Variants in PTPRT observed in about 807,000 individuals in gnomAD.
PTPRT encodes the protein receptor-type tyrosine-protein phosphatase T.
PTPRT carries 56 observed loss-of-function variants against 176.8 expected under a neutral mutation model. The observed-to-expected ratio is 0.32, with a 90% CI of 0.26 to 0.40. The LOEUF is 0.40. Among genes scored for constraint, PTPRT ranks in the 10% least tolerant of loss-of-function variants. The pLI is 1.00. For missense variants in PTPRT, 1,540 were observed against 1,908.2 expected, an observed-to-expected ratio of 0.81 and a Z score of 3.60; for synonymous variants, 783 against 739.0, an observed-to-expected ratio of 1.06 and a Z score of -0.96.
intron 7 of PTPRT, among the ~76,000 whole-genome samples, chr20:42,571,569 C>G (rs1401459766): frequency 1.3e-5 from 2 of 152,168 alleles, no homozygotes; most frequent in East Asian, 3.8e-4. Flanking sequence ...GAAAACTAAT[C>G]CAAGTGCCCT....
At chr20:42,321,105 T>G (rs2057793395) in intron 11 of PTPRT, among the ~76,000 whole-genome samples, 1 of 152,124 alleles carries the variant, frequency 6.6e-6, no homozygotes, top group South Asian at 2.1e-4. Flanking sequence ...TTTTCAAACT[T>G]TGTTTCCAGC....
At chr20:42,229,288 C>G (rs1426133317) in intron 15 of PTPRT, among the ~76,000 whole-genome samples, 2 of 152,204 alleles carry the variant, frequency 1.3e-5, no homozygotes, top group Non-Finnish European at 2.9e-5. Flanking sequence ...AGGTTCTCCT[C>G]TTGGCTGAAG....
intron 6 of PTPRT, among the ~76,000 whole-genome samples, chr20:42,705,427 G>C (rs533601721): frequency 6.6e-6 from 1 of 151,938 alleles, no homozygotes; most frequent in South Asian, 2.1e-4. Context: ...GGGCGGGGTG[G>C]GGGGAGGTGC....
intron 13 of PTPRT, among the ~76,000 whole-genome samples, chr20:42,273,489 A>G (rs2056974920): frequency 6.6e-6 from 1 of 152,216 alleles, no homozygotes; most frequent in Non-Finnish European, 1.5e-5. Flanking sequence ...TGCTGGAATT[A>G]TAGGCGTGAG....
chr20:42,814,451 T>C (rs1055350182), intron 2 of PTPRT, among the ~76,000 whole-genome samples: 1 of 152,196 alleles, frequency 6.6e-6, no homozygotes, highest in Admixed American at 6.5e-5. Context: ...TATATGTAAA[T>C]TGCTTTGCAA....
At chr20:42,063,262 C>T in the PTPRT span, among the ~76,000 whole-genome samples, 125 of 152,288 alleles carry the variant, frequency 8.2e-4, no homozygotes, top group Admixed American at 2.2e-3. Flanking sequence ...GTTTCCCCTC[C>T]GAAGGCACCC....
chr20:42,142,822 A>G (rs2146421041), intron 17 of PTPRT, among the ~76,000 whole-genome samples: 1 of 152,354 alleles, frequency 6.6e-6, no homozygotes, highest in Middle Eastern at 3.4e-3. Flanking sequence ...GACCTTGGGT[A>G]ACTGAAACCA....
At chr20:42,677,052 A>G (rs1258448939) in intron 7 of PTPRT, among the ~76,000 whole-genome samples, 5 of 152,176 alleles carry the variant, frequency 3.3e-5, no homozygotes, top group African/African-American at 1.2e-4. Flanking sequence ...CCTTCAGAGG[A>G]ATAGTCCCAA....
chr20:42,576,448 G>C (rs1056713041), intron 7 of PTPRT, among the ~76,000 whole-genome samples: 1 of 152,144 alleles, frequency 6.6e-6, no homozygotes. Context: ...GGGATGCATC[G>C]GTGAGTCAAT....
chr20:42,687,338 T>A (rs2075715009), intron 6 of PTPRT: 1 of 152,288 alleles, frequency 6.6e-6, no homozygotes, highest in South Asian at 2.1e-4. Flanking sequence ...CTTAACAACA[T>A]CATGTTGCAA....
intron 6 of PTPRT, among the ~76,000 whole-genome samples, chr20:42,704,794 C>T (rs1328519573): frequency 6.6e-6 from 1 of 152,192 alleles, no homozygotes; most frequent in Admixed American, 6.5e-5. Context: ...CATGTAGGGG[C>T]TGATACAGAA....
intron 6 of PTPRT, among the ~76,000 whole-genome samples, chr20:42,681,285 C>G (rs1329172541): frequency 6.6e-6 from 1 of 152,126 alleles, no homozygotes; most frequent in Non-Finnish European, 1.5e-5. Flanking sequence ...AAAGGAAACC[C>G]CTGTGTATCT....
intron 1 of PTPRT, among the ~76,000 whole-genome samples, chr20:43,054,613 C>A (rs536666973): frequency 3.9e-4 from 59 of 150,786 alleles, no homozygotes; most frequent in Non-Finnish European, 7.8e-4. Flanking sequence ...CTCTACCTCC[C>A]AAATCTGAGC....
chr20:42,525,879 A>G (rs2072259304), intron 7 of PTPRT, among the ~76,000 whole-genome samples: 1 of 152,172 alleles, frequency 6.6e-6, no homozygotes, highest in Non-Finnish European at 1.5e-5. Flanking sequence ...GTGTGTTTAT[A>G]TTGTCCATCT....
chr20:42,356,640 G>A (rs931542467), intron 9 of PTPRT, among the ~76,000 whole-genome samples: 2 of 152,176 alleles, frequency 1.3e-5, no homozygotes, highest in Non-Finnish European at 2.9e-5. Context: ...AGGTAGCAGT[G>A]AGCAGAGATG....
Position 42,085,879 on chromosome 20 carries a change from A to T in PTPRT, c.3847-26T>A, listed in dbSNP as rs755271272. 1.9e-6 allele frequency: 3 copies of T among 1,590,652 alleles called. No individual in the cohort carries two copies. The African/African-American group carries it at 4.0e-5, about 21-fold the overall frequency. On this transcript the variant is annotated intron_variant, in intron 27 of 30. Transcript: ENST00000373187. ...CTGAGATAAGGAAAGAGGTCACAGA[A>T]GGAGCTCAAAGGCAGGGGGCGGGTA... is the stretch of plus-strand genomic sequence containing the variant.
intron 1 of PTPRT, among the ~76,000 whole-genome samples, chr20:43,028,926 A>T (rs1986027422): frequency 6.6e-6 from 1 of 152,194 alleles, no homozygotes; most frequent in African/African-American, 2.4e-5. Flanking sequence ...GAAGAAACAG[A>T]GTCAGGCTTC....
chr20:42,125,017 G>T (rs1318111667), intron 19 of PTPRT, among the ~76,000 whole-genome samples: 1 of 152,090 alleles, frequency 6.6e-6, no homozygotes, highest in Non-Finnish European at 1.5e-5. Flanking sequence ...TCCCTGCCAG[G>T]TCTCCATGCC....
At chr20:42,205,910 GATCTCAGCTTAAAGTTACAC>G (rs2055447302) in intron 15 of PTPRT, among the ~76,000 whole-genome samples, 1 of 152,122 alleles carries the variant, frequency 6.6e-6, no homozygotes, top group Admixed American at 6.5e-5. Context: ...GGCATGACTA[GATCTCAGCTTAAAGTTACAC>G]ATCGCAACTG....
Sources: gnomAD v4.1 joint callset for allele counts (sites outside exome capture counted in the v4.1 genomes callset) on GRCh38, gnomAD v4.1.1 for gene constraint, MANE v1.5 for transcripts, NCBI Gene and HGNC (gene_info 2026-07-23, HGNC 2026-07-21) for gene names.